The following FMN1 variants were observed in gnomAD, a reference collection of about 807,000 sequenced individuals.
FMN1 encodes the protein formin-1.
FMN1 carries 110 observed loss-of-function variants against 132.4 expected under a neutral mutation model. The ratio of observed to expected loss-of-function variants is 0.83; its 90% confidence interval spans 0.71 to 0.97. The LOEUF (loss-of-function observed/expected upper bound fraction) is 0.97, where lower values mean the gene tolerates loss of function less well. Ranked by LOEUF, FMN1 falls within the 50% of genes least tolerant of loss-of-function variation. The pLI, the probability that FMN1 is intolerant of heterozygous loss-of-function variation, is 0.00. For missense variants in FMN1, 1,792 were observed against 1,705.3 expected (o/e 1.05, Z -0.90); for synonymous variants, 722 against 651.7 (o/e 1.11, Z -1.64).
At chr15:32,825,347 G>T (rs750986707) in intron 17 of FMN1, among the ~76,000 whole-genome samples, 2 of 152,182 alleles carry the variant, frequency 1.3e-5, no homozygotes, top group Non-Finnish European at 2.9e-5. Flanking sequence ...TAGGTGGTCT[G>T]CCCTAGTTCT....
At chr15:33,021,478 A>C (rs2035414260) in intron 6 of FMN1, among the ~76,000 whole-genome samples, 1 of 152,194 alleles carries the variant, frequency 6.6e-6, no homozygotes, top group South Asian at 2.1e-4. Context: ...AAAAGGTTTA[A>C]GGAAAGAGGA....
chr15:33,045,941 G>C (rs995575178), intron 6 of FMN1, among the ~76,000 whole-genome samples: 8 of 152,200 alleles, frequency 5.3e-5, no homozygotes, highest in Admixed American at 4.6e-4. Context: ...TTACAGGCGT[G>C]AGCCATCAGG....
chr15:32,929,590 G>T (rs347954), intron 9 of FMN1, among the ~76,000 whole-genome samples: 1 of 151,930 alleles, frequency 6.6e-6, no homozygotes, highest in Non-Finnish European at 1.5e-5. Flanking sequence ...TTTCCAATTC[G>T]CCGTTGTTCC....
At position 33,078,564 on chromosome 15, in the gene FMN1, C is replaced by T. The variant is rs73378545; in HGVS notation, c.2043+10235G>A. 3.8e-3 allele frequency among the ~76,000 whole-genome samples: 566 copies of T among 150,350 alleles called. 2 individuals carry two copies. The highest frequency in any genetic ancestry group is 0.013 in the African/African-American group (549 of 40,888). On this transcript the variant is annotated intron_variant, in intron 5 of 20. Coordinates refer to ENST00000616417, the MANE Select transcript of FMN1 (RefSeq NM_001277313.2). The stretch of plus-strand genomic sequence containing the variant: ...TTCCTATGTGAGACACTTGTAGCTG[C>T]AATCCTTAATGCAATTTAGAAATAA...
intron 16 of FMN1, among the ~76,000 whole-genome samples, chr15:32,879,876 C>G (rs1037721817): frequency 4.6e-5 from 7 of 151,578 alleles, no homozygotes; most frequent in African/African-American, 1.7e-4. Flanking sequence ...ATGTATTTGT[C>G]AAAGTTATAC....
At chr15:32,951,104 T>C (rs1378671950) in intron 9 of FMN1, among the ~76,000 whole-genome samples, 2 of 152,166 alleles carry the variant, frequency 1.3e-5, no homozygotes, top group Non-Finnish European at 2.9e-5. Context: ...GAAACCAACC[T>C]AAAATAACTT....
In FMN1 at chr15:33,105,586, T is replaced by C. The variant is rs189208535; in HGVS notation, c.1868-16612A>G. Among the ~76,000 whole-genome samples, 27 of 152,284 alleles carry C rather than the reference T, an allele frequency of 1.8e-4. No individual in the cohort carries two copies. In the East Asian group the frequency reaches 4.4e-3, roughly 25 times the overall value. ...AATGACTGGGGAAAGGTTTACAGAC[T>C]ATATGGCTTTGAGATCAGGCGGAAA... is the stretch of plus-strand genomic sequence containing the variant. On this transcript the variant is annotated intron_variant, in intron 4 of 20. Transcript: ENST00000616417.
chr15:33,116,096 G>C (rs747890193), intron 4 of FMN1, among the ~76,000 whole-genome samples: 6 of 152,130 alleles, frequency 3.9e-5, no homozygotes, highest in Non-Finnish European at 8.8e-5. Flanking sequence ...ACATTCCTGA[G>C]TTTTAGCTAT....
At chr15:32,927,378 A>T (rs1392265402) in intron 9 of FMN1, among the ~76,000 whole-genome samples, 4 of 152,116 alleles carry the variant, frequency 2.6e-5, no homozygotes, top group Non-Finnish European at 5.9e-5. Context: ...CACCCTCACG[A>T]GTAGCAAGCA....
chr15:33,053,475 G>A (rs140759277), intron 6 of FMN1, among the ~76,000 whole-genome samples: 565 of 152,268 alleles, frequency 3.7e-3, no homozygotes, highest in Middle Eastern at 6.8e-3. Context: ...CCGAGTAGAC[G>A]GGGTGCCCCT....
At chr15:32,777,155 C>G (rs540547006) in intron 19 of FMN1, among the ~76,000 whole-genome samples, 22 of 152,150 alleles carry the variant, frequency 1.4e-4, no homozygotes, top group Admixed American at 7.9e-4. Context: ...CCAGCTGAAG[C>G]CTGTTTTTGT....
At chr15:32,940,355 C>T (rs944552020) in intron 9 of FMN1, among the ~76,000 whole-genome samples, 10 of 151,628 alleles carry the variant, frequency 6.6e-5, no homozygotes, top group Non-Finnish European at 1.0e-4. Context: ...CCTCACAATA[C>T]GCAAATTCCC....
intron 7 of FMN1, among the ~76,000 whole-genome samples, chr15:32,989,400 G>T (rs1019405848): frequency 6.6e-6 from 1 of 152,164 alleles, no homozygotes; most frequent in Non-Finnish European, 1.5e-5. Flanking sequence ...AGGAACCCTT[G>T]CAGGGCACAA....
chr15:32,988,572 A>G (rs1308145292), intron 7 of FMN1, among the ~76,000 whole-genome samples: 1 of 152,224 alleles, frequency 6.6e-6, no homozygotes, highest in African/African-American at 2.4e-5. Context: ...AGCAATTTCC[A>G]CATGGCATAA....
At chr15:32,967,116 G>A (rs2031312808) in intron 8 of FMN1, among the ~76,000 whole-genome samples, 1 of 152,200 alleles carries the variant, frequency 6.6e-6, no homozygotes, top group Admixed American at 6.5e-5. Context: ...TAAAGCCCTA[G>A]ATTTATGATG....
At chr15:33,120,332 G>A (rs1410293862) in intron 4 of FMN1, among the ~76,000 whole-genome samples, 1 of 152,200 alleles carries the variant, frequency 6.6e-6, no homozygotes, top group East Asian at 1.9e-4. Context: ...TCTCCTTGCT[G>A]ACCCTTTCCA....
At chr15:33,099,100 A>G (rs1299560006) in intron 4 of FMN1, among the ~76,000 whole-genome samples, 1 of 151,956 alleles carries the variant, frequency 6.6e-6, no homozygotes, top group South Asian at 2.1e-4. Context: ...AACCCCATCT[A>G]CAAAACTCCA....
intron 3 of FMN1, among the ~76,000 whole-genome samples, chr15:33,166,144 G>C (rs926486653): frequency 5.9e-5 from 9 of 152,266 alleles, no homozygotes; most frequent in Middle Eastern, 3.4e-3. Context: ...AGACATAGCA[G>C]ATGCGGTTAT....
rs990319865 is a variant in FMN1, at chr15:32,926,279, A to T, written c.3139-18T>A. On this transcript the variant is annotated intron_variant, in intron 9 of 20. Coordinates refer to ENST00000616417, the MANE Select transcript of FMN1 (RefSeq NM_001277313.2). Reference sequence around the variant, plus strand: ...TTGATGATCTAAAATTAGAAAAAAAAAAAAAAGAATACAAGCTCAAATGAC... The same window carrying T: ...TTGATGATCTAAAATTAGAAAAAAATAAAAAAGAATACAAGCTCAAATGAC... 1.3e-5 allele frequency: 19 copies of T among 1,410,114 alleles called. No homozygotes were observed. The highest frequency in any genetic ancestry group is 1.8e-5 in the Non-Finnish European group (19 of 1,033,766). The allele number at this position is 1,410,114 out of a possible 1,614,324, so 87.4% of individuals were successfully genotyped here.
Sources: gnomAD v4.1 joint callset for allele counts (sites outside exome capture counted in the v4.1 genomes callset) on GRCh38, gnomAD v4.1.1 for gene constraint, MANE v1.5 for transcripts, NCBI Gene and HGNC (gene_info 2026-07-23, HGNC 2026-07-21) for gene names.